The following THSD4 variants were observed in gnomAD, a reference collection of about 807,000 sequenced individuals.
The protein encoded by THSD4 is thrombospondin type 1 domain containing 4, also known as thrombospondin type-1 domain-containing protein 4.
A neutral mutation model predicts 119.0 loss-of-function variants in THSD4; 69 were observed. The ratio of observed to expected loss-of-function variants is 0.58; its 90% CI spans 0.48 to 0.71. The LOEUF (loss-of-function observed/expected upper bound fraction) is 0.71, where lower values mean the gene tolerates loss of function less well. Among genes scored for constraint, THSD4 ranks in the 30% least tolerant of loss-of-function variants. The probability of loss-of-function intolerance (pLI) is 0.00; values close to 1 mark genes in which losing one functional copy is unlikely to be tolerated. For missense variants in THSD4, 1,393 were observed against 1,391.1 expected (o/e 1.00, Z -0.02); for synonymous variants, 524 against 540.4 (o/e 0.97, Z 0.42).
chr15:71,380,037 C>G (rs2046207289), intron 6 of THSD4, among the ~76,000 whole-genome samples: 1 of 152,006 alleles, frequency 6.6e-6, no homozygotes, highest in Non-Finnish European at 1.5e-5. Flanking sequence ...CTTATAGCCA[C>G]CTGTGATTAA....
chr15:71,448,086 G>A (rs1248805400), intron 7 of THSD4, among the ~76,000 whole-genome samples: 1 of 152,170 alleles, frequency 6.6e-6, no homozygotes, highest in African/African-American at 2.4e-5. Flanking sequence ...AACAAACATT[G>A]TCAGGGTTCT....
intron 4 of THSD4, among the ~76,000 whole-genome samples, chr15:71,217,617 C>T (rs529754713): frequency 2.4e-4 from 36 of 147,470 alleles, no homozygotes; most frequent in Non-Finnish European, 4.5e-4. Flanking sequence ...AGAGAGACTC[C>T]GTCTCAAAAA....
intron 7 of THSD4, among the ~76,000 whole-genome samples, chr15:71,424,366 G>A (rs1330566683): frequency 6.6e-6 from 1 of 152,130 alleles, no homozygotes; most frequent in African/African-American, 2.4e-5. Flanking sequence ...TGGGGTTGAT[G>A]TCTACTCCCT....
intron 7 of THSD4, among the ~76,000 whole-genome samples, chr15:71,424,609 G>T (rs942534132): frequency 2.6e-5 from 4 of 152,078 alleles, no homozygotes; most frequent in Non-Finnish European, 5.9e-5. Context: ...CTTCAGAGAG[G>T]TCTCAGAGAC....
At chr15:71,099,793 C>A (rs2141338390) in intron 1 of THSD4, among the ~76,000 whole-genome samples, 1 of 152,104 alleles carries the variant, frequency 6.6e-6, no homozygotes, top group Non-Finnish European at 1.5e-5. Flanking sequence ...GGTGAAACCC[C>A]TTCCCTACAA....
rs1426196681 is a variant in THSD4, at chr15:71,566,622, T to C, written c.1153-93908T>C. ...GGACTGTTTTCCCCATAATTCCCCA[T>C]CCCTACCTTTCCTACCCTGCAAGAT... On this transcript the variant is annotated intron_variant, in intron 7 of 17. Transcript: ENST00000261862. Among the ~76,000 whole-genome samples the C allele has an allele frequency of 2.0e-5, 3 of 152,094 alleles. No homozygotes were observed. In the East Asian group the frequency reaches 5.8e-4, roughly 29 times the overall value.
intron 3 of THSD4, among the ~76,000 whole-genome samples, chr15:71,193,789 G>C (rs554577846): frequency 6.6e-6 from 1 of 152,066 alleles, no homozygotes; most frequent in Non-Finnish European, 1.5e-5. Context: ...CTCTCTGCAA[G>C]CTCCGCCTCC....
chr15:71,647,256 G>C (rs918882998), intron 7 of THSD4, among the ~76,000 whole-genome samples: 5 of 152,202 alleles, frequency 3.3e-5, no homozygotes, highest in African/African-American at 1.2e-4. Flanking sequence ...CAGCAGATCT[G>C]CTATTGCCCT....
At chr15:71,527,021 C>T (rs2048531128) in intron 7 of THSD4, among the ~76,000 whole-genome samples, 1 of 152,138 alleles carries the variant, frequency 6.6e-6, no homozygotes, top group Non-Finnish European at 1.5e-5. Flanking sequence ...CGTATTAAGA[C>T]GTGGGTCCTT....
intron 7 of THSD4, among the ~76,000 whole-genome samples, chr15:71,593,025 C>T (rs1270601432): frequency 6.6e-6 from 1 of 152,094 alleles, no homozygotes; most frequent in Non-Finnish European, 1.5e-5. Flanking sequence ...AGGTTCTTTC[C>T]AGAGAGGGTC....
At chr15:71,372,902 C>T (rs896619330) in intron 6 of THSD4, among the ~76,000 whole-genome samples, 5 of 152,268 alleles carry the variant, frequency 3.3e-5, no homozygotes, top group African/African-American at 1.2e-4. Context: ...AGGCAGGCCT[C>T]CTTGAGCTGC....
intron 6 of THSD4, among the ~76,000 whole-genome samples, chr15:71,396,262 T>C (rs924506403): frequency 6.6e-6 from 1 of 151,660 alleles, no homozygotes; most frequent in African/African-American, 2.4e-5. Flanking sequence ...TATACACATA[T>C]GCATGTACAC....
At chr15:71,180,601 AACT>A (rs1170118884) in intron 3 of THSD4, among the ~76,000 whole-genome samples, 1 of 152,230 alleles carries the variant, frequency 6.6e-6, no homozygotes, top group Non-Finnish European at 1.5e-5. Context: ...GTTAAAAATG[AACT>A]ACTGATATAA....
chr15:71,560,373 G>A (rs891070019), intron 7 of THSD4, among the ~76,000 whole-genome samples: 1 of 152,214 alleles, frequency 6.6e-6, no homozygotes, highest in Admixed American at 6.5e-5. Context: ...GCTAAGTGCT[G>A]TGGAATTCAT....
At chr15:71,277,025 T>A (rs56828672) in intron 6 of THSD4, among the ~76,000 whole-genome samples, 145 of 152,320 alleles carry the variant, frequency 9.5e-4, no homozygotes, top group African/African-American at 3.1e-3. Flanking sequence ...TAAATAGGTT[T>A]AATTCTTTTG....
chr15:71,749,584 A>G (rs1281423420), intron 14 of THSD4, among the ~76,000 whole-genome samples: 1 of 152,138 alleles, frequency 6.6e-6, no homozygotes, highest in African/African-American at 2.4e-5. Flanking sequence ...CCGTGCGTAC[A>G]CGTTACCTGT....
At chr15:71,760,578 G>A (rs1335113386) in intron 15 of THSD4, among the ~76,000 whole-genome samples, 1 of 152,174 alleles carries the variant, frequency 6.6e-6, no homozygotes, top group Admixed American at 6.5e-5. Context: ...TATCAATTCT[G>A]AGTTTACTGC....
At chr15:71,540,746 T>C (rs1301611114) in intron 7 of THSD4, among the ~76,000 whole-genome samples, 1 of 81,714 alleles carries the variant, frequency 1.2e-5, no homozygotes, top group African/African-American at 4.4e-5. Flanking sequence ...TTTTTTTTTT[T>C]AAACGAGTCT....
chr15:71,202,793 G>C (rs968599088), intron 3 of THSD4, among the ~76,000 whole-genome samples: 3 of 152,016 alleles, frequency 2.0e-5, no homozygotes, highest in South Asian at 4.2e-4. Context: ...TTGCGGGGAG[G>C]GGGTGGGCAT....
Sources: gnomAD v4.1 joint callset for allele counts (sites outside exome capture counted in the v4.1 genomes callset) on GRCh38, gnomAD v4.1.1 for gene constraint, MANE v1.5 for transcripts, NCBI Gene and HGNC (gene_info 2026-07-23, HGNC 2026-07-21) for gene names.